The following COL25A1 variants were observed in gnomAD, a reference collection of about 807,000 sequenced individuals.
COL25A1 encodes the protein collagen alpha-1(XXV) chain.
A neutral mutation model predicts 128.4 loss-of-function variants in COL25A1; 103 were observed. That is an observed-to-expected ratio of 0.80 (90% CI 0.68 to 0.94). The LOEUF (loss-of-function observed/expected upper bound fraction) is 0.94. Ranked by LOEUF, COL25A1 falls within the 40% of genes least tolerant of loss-of-function variation. The pLI is 0.00. For missense variants in COL25A1, 745 were observed against 840.0 expected (o/e 0.89, Z 1.40); for synonymous variants, 279 against 277.2 (o/e 1.01, Z -0.06).
At chr4:108,838,157 C>T (rs1480004766) in intron 31 of COL25A1, 1 of 1,550,352 alleles carries the variant, frequency 6.5e-7, no homozygotes, top group Admixed American at 2.0e-5. Flanking sequence ...AATCCTTTAA[C>T]ACCATTTAAC....
chr4:108,866,692 G>C (rs1177874845), intron 20 of COL25A1, among the ~76,000 whole-genome samples: 1 of 152,186 alleles, frequency 6.6e-6, no homozygotes, highest in East Asian at 1.9e-4. Flanking sequence ...TACACAAGTG[G>C]AAGAATGGTG....
At chr4:108,860,845 T>C in intron 23 of COL25A1, 82 bp downstream of exon 23, 1 of 1,113,066 alleles carries the variant, frequency 9.0e-7, no homozygotes, top group Non-Finnish European at 1.4e-6. Flanking sequence ...AATACAGATG[T>C]CATATGAATA....
intron 3 of COL25A1, among the ~76,000 whole-genome samples, chr4:109,089,759 A>T (rs10856997): frequency 6.6e-6 from 1 of 151,932 alleles, no homozygotes; most frequent in Non-Finnish European, 1.5e-5. Context: ...GTATGCAACA[A>T]CATGCCTGGC....
At chr4:109,125,563 C>T (rs1308779038) in intron 3 of COL25A1, among the ~76,000 whole-genome samples, 1 of 152,166 alleles carries the variant, frequency 6.6e-6, no homozygotes, top group Non-Finnish European at 1.5e-5. Flanking sequence ...CATTTCTTCG[C>T]TTCATTTCTC....
chr4:108,868,553 A>AAGAAAGAAGAC (rs1738231414), intron 20 of COL25A1, among the ~76,000 whole-genome samples: 1 of 148,652 alleles, frequency 6.7e-6, no homozygotes, highest in African/African-American at 2.5e-5. Flanking sequence ...AGAAAAAAGA[A>AAGAAAGAAGAC]AGAAAGAAAG....
intron 6 of COL25A1, among the ~76,000 whole-genome samples, chr4:108,993,384 T>G (rs1415543564): frequency 6.6e-6 from 1 of 152,216 alleles, no homozygotes; most frequent in Non-Finnish European, 1.5e-5. Context: ...TAAGGCTGAA[T>G]AGTATTCGGT....
chr4:108,850,426 A>G (rs974878845), intron 26 of COL25A1, among the ~76,000 whole-genome samples: 1 of 151,186 alleles, frequency 6.6e-6, no homozygotes, highest in Non-Finnish European at 1.5e-5. Context: ...ATAAAGGACT[A>G]CATCAGCTAA....
At chr4:109,272,026 C>A (rs1782231226) in intron 3 of COL25A1, among the ~76,000 whole-genome samples, 1 of 151,834 alleles carries the variant, frequency 6.6e-6, no homozygotes, top group African/African-American at 2.4e-5. Flanking sequence ...ATCACTTGAG[C>A]CTAGGAGTTC....
intron 37 of COL25A1, among the ~76,000 whole-genome samples, chr4:108,814,211 C>G (rs11729361): frequency 0.5 from 75,749 of 151,954 alleles, 19,721 homozygotes; most frequent in Middle Eastern, 0.64. Flanking sequence ...TAGGGTAAGT[C>G]TTTTGCTCAG....
chr4:108,895,910 T>C (rs1481817461), intron 16 of COL25A1, among the ~76,000 whole-genome samples: 2 of 150,438 alleles, frequency 1.3e-5, no homozygotes, highest in Admixed American at 6.6e-5. Context: ...AAGTCCATTA[T>C]ATATCATTCT....
intron 3 of COL25A1, among the ~76,000 whole-genome samples, chr4:109,212,255 T>G (rs543426056): frequency 2.6e-5 from 4 of 152,234 alleles, no homozygotes; most frequent in African/African-American, 9.6e-5. Context: ...GGCTAAGATT[T>G]CAGTCATTTG....
At chr4:108,862,064 A>G (rs1737290811) in intron 22 of COL25A1, among the ~76,000 whole-genome samples, 1 of 152,198 alleles carries the variant, frequency 6.6e-6, no homozygotes, top group Non-Finnish European at 1.5e-5. Context: ...GATAGTATAA[A>G]GAGTATGATA....
intron 3 of COL25A1, among the ~76,000 whole-genome samples, chr4:109,282,296 T>C (rs1339160404): frequency 2.0e-5 from 3 of 152,194 alleles, no homozygotes; most frequent in Non-Finnish European, 2.9e-5. Flanking sequence ...TGAAAGTTCC[T>C]GCAAAACCTT....
chr4:109,055,592 A>C (rs1479544311), intron 3 of COL25A1, among the ~76,000 whole-genome samples: 1 of 152,190 alleles, frequency 6.6e-6, no homozygotes, highest in Non-Finnish European at 1.5e-5. Context: ...ACTTTATTTT[A>C]TCAATGACCC....
intron 3 of COL25A1, among the ~76,000 whole-genome samples, chr4:109,268,799 A>G (rs1480625689): frequency 6.6e-6 from 1 of 152,156 alleles, no homozygotes; most frequent in African/African-American, 2.4e-5. Flanking sequence ...CAAGCTGCCT[A>G]GCTAGTGAGA....
chr4:109,286,362 G>A (rs1723894510), intron 3 of COL25A1, among the ~76,000 whole-genome samples: 1 of 152,096 alleles, frequency 6.6e-6, no homozygotes, highest in African/African-American at 2.4e-5. Context: ...ATAATGTAGA[G>A]GAAAGAACAG....
chr4:109,120,143 A>T (rs1268932947), intron 3 of COL25A1, among the ~76,000 whole-genome samples: 2 of 152,080 alleles, frequency 1.3e-5, no homozygotes, highest in East Asian at 3.9e-4. Flanking sequence ...CCGGATAAAG[A>T]ACATTGACAA....
chr4:108,955,679 G>T (rs1749990031), intron 8 of COL25A1, among the ~76,000 whole-genome samples: 1 of 151,972 alleles, frequency 6.6e-6, no homozygotes, highest in African/African-American at 2.4e-5. Flanking sequence ...ATTTCTAAGG[G>T]CAACAAAAAG....
intron 8 of COL25A1, among the ~76,000 whole-genome samples, chr4:108,947,237 T>A (rs142736189): frequency 6.6e-6 from 1 of 150,502 alleles, no homozygotes; most frequent in African/African-American, 2.4e-5. Context: ...AGGTCAGGAG[T>A]TCGAGACCAG....
Sources: gnomAD v4.1 joint callset for allele counts (sites outside exome capture counted in the v4.1 genomes callset) on GRCh38, gnomAD v4.1.1 for gene constraint, MANE v1.5 for transcripts, NCBI Gene and HGNC (gene_info 2026-07-23, HGNC 2026-07-21) for gene names.